Variants in TJP2 observed in about 807,000 individuals in gnomAD.
TJP2 encodes Friedreich ataxia region gene X104 (tight junction protein ZO-2).
A neutral mutation model predicts 133.1 loss-of-function variants in TJP2; 91 were observed. That is an observed-to-expected ratio of 0.68 (90% CI 0.58 to 0.81). TJP2 has a LOEUF of 0.81. Among genes scored for constraint, TJP2 ranks in the 40% least tolerant of loss-of-function variants. The pLI is 0.00. For synonymous variants in TJP2, 592 were observed against 583.4 expected, an observed-to-expected ratio of 1.01 and a Z score of -0.21; for missense variants, 1,541 against 1,565.6, an observed-to-expected ratio of 0.98 and a Z score of 0.26.
intron 1 of TJP2, among the ~76,000 whole-genome samples, chr9:69,138,983 G>T (rs540550327): frequency 1.3e-5 from 2 of 152,116 alleles, no homozygotes; most frequent in South Asian, 4.2e-4. Flanking sequence ...GGAGGCCAAG[G>T]CAGGCAGATC....
chr9:69,246,188 C>T (rs1044452997), intron 17 of TJP2: 5 of 200,214 alleles, frequency 2.5e-5, no homozygotes, highest in African/African-American at 9.3e-5. Context: ...ATCAGATACT[C>T]GGCATCTGTG....
intron 2 of TJP2, among the ~76,000 whole-genome samples, chr9:69,212,929 T>C (rs1828033966): frequency 2.2e-5 from 1 of 45,508 alleles, no homozygotes; most frequent in South Asian, 6.9e-4. Flanking sequence ...GGGAGCTTTT[T>C]ACAACTTCTG....
intron 1 of TJP2, among the ~76,000 whole-genome samples, chr9:69,175,310 TCA>T (rs1311119903): frequency 2.0e-5 from 3 of 152,198 alleles, no homozygotes; most frequent in Non-Finnish European, 2.9e-5. Context: ...CTTGCGCTTC[TCA>T]CTCACGCTCT....
Position 69,124,073 on chromosome 9 carries a change from G to A in TJP2, c.-131+2348G>A, listed in dbSNP as rs1317796150. Among the ~76,000 whole-genome samples, 3 of 74,264 alleles carry A rather than the reference G, an allele frequency of 4.0e-5. 1 individual carries two copies. The highest frequency in any genetic ancestry group is 1.2e-4 in the African/African-American group (3 of 24,118). 48.7% of individuals were successfully genotyped at this position (74,264 alleles called of 152,430 possible). On this transcript the variant is annotated intron_variant, in intron 1 of 5. Coordinates refer to the TJP2 transcript ENST00000423935. ...TTTTTCTTTTTTTTAGTAGAGACGGGGTTTCACCGTGTTAGCCAGGATGGT... is the reference window on the plus strand; with the variant it reads ...TTTTTCTTTTTTTTAGTAGAGACGGAGTTTCACCGTGTTAGCCAGGATGGT...
chr9:69,136,220 AAT>A (rs1359663474), intron 1 of TJP2, among the ~76,000 whole-genome samples: 3 of 152,156 alleles, frequency 2.0e-5, no homozygotes, highest in African/African-American at 7.2e-5. Context: ...CTGACAAAAA[AAT>A]ATGTTTTTTA....
chr9:69,161,551 G>A lies in TJP2; in HGVS notation c.-10+9780G>A, dbSNP rs186463823. ...CTGATCTGTGTTTTATCTACATTTT[G>A]GGGCAGAGTATATGTGGGGCCAGAA... On this transcript the variant is annotated intron_variant, in intron 2 of 5. Coordinates refer to the TJP2 transcript ENST00000423935. Among the ~76,000 whole-genome samples the A allele has an allele frequency of 1.9e-3, 296 of 152,058 alleles. 4 individuals carry two copies. Among genetic ancestry groups the A allele is most frequent in the Non-Finnish European group, 3.4e-4 (23 of 68,000 alleles).
In TJP2 at chr9:69,174,798, G is replaced by T. The variant is rs557804054; in HGVS notation, c.60+366G>T. 3.1e-4 allele frequency among the ~76,000 whole-genome samples: 47 copies of T among 152,124 alleles called. No individual in the cohort carries two copies. The South Asian group carries it at 8.7e-3, about 28-fold the overall frequency. ...CCTTCTCTATTTCAAACCACACTCG[G>T]TATTGATGCAAAGTTACAGGCTTGT... is the stretch of plus-strand genomic sequence containing the variant. On this transcript the variant is annotated intron_variant, in intron 1 of 22. Transcript: ENST00000377245.
intron 1 of TJP2, among the ~76,000 whole-genome samples, chr9:69,148,617 G>A (rs928242931): frequency 4.0e-5 from 6 of 150,734 alleles, no homozygotes; most frequent in East Asian, 2.0e-4. Flanking sequence ...TGATCCACCC[G>A]CCTCGGCCTC....
chr9:69,181,487 A>T (rs573783092), intron 1 of TJP2, among the ~76,000 whole-genome samples: 1 of 152,138 alleles, frequency 6.6e-6, no homozygotes, highest in East Asian at 1.9e-4. Flanking sequence ...TGAGCTCGTG[A>T]TCCGCCTGCC....
intron 21 of TJP2, 37 bp from the exon 22 acceptor site, chr9:69,252,778 C>A (rs774014773): frequency 3.7e-6 from 6 of 1,600,900 alleles, no homozygotes; most frequent in Non-Finnish European, 5.1e-6. Flanking sequence ...GTGGTTCATT[C>A]TTTCACTCTT....
At chr9:69,137,243 CTCTCT>C (rs1822782251) in intron 1 of TJP2, among the ~76,000 whole-genome samples, 2 of 44,020 alleles carry the variant, frequency 4.5e-5, no homozygotes, top group African/African-American at 1.4e-4. Flanking sequence ...CTTTCTTTCT[CTCTCT>C]CTTTCTTTCT....
At position 69,216,427 on chromosome 9, in the gene TJP2, A is replaced by T; in HGVS notation, c.203A>T (p.Asp68Val). The T allele has an allele frequency of 6.2e-7, 1 of 1,614,146 alleles. No homozygotes were observed. The highest frequency in any genetic ancestry group is 1.1e-5 in the South Asian group (1 of 91,082). Residue 68 changes from aspartate (D) to valine (V), a missense_variant, in exon 3 of 23, where the codon GAT becomes GTT. By Grantham distance (152) the Asp-to-Val change is radical. Transcript: ENST00000377245. ...GGAGAAACGTCAATTGTCATTTCTGATGTGCTCCCGGGTGGGCCTGCTGAT... is the reference window on the plus strand; with the variant it reads ...GGAGAAACGTCAATTGTCATTTCTGTTGTGCTCCCGGGTGGGCCTGCTGAT... ...ENGETSIVIS[D>V]VLPGGPADGL...
At position 69,236,164 on chromosome 9, in the gene TJP2, C is replaced by T. The variant is rs12340440; in HGVS notation, c.1917C>T (p.Asp639=). The part of the protein sequence containing the change: ...EVFRVVDTLY[D]GKLGNWLAVR... ...TCCGAGTGGTAGACACACTGTATGACGGCAAGCTGGGCAACTGGCTGGCTG... is the reference window on the plus strand; with the variant it reads ...TCCGAGTGGTAGACACACTGTATGATGGCAAGCTGGGCAACTGGCTGGCTG... The change falls in exon 13 of 23, where the codon GAC becomes GAT. Residue 639 remains aspartate (D), a synonymous_variant. Coordinates refer to ENST00000377245, the MANE Select transcript of TJP2 (RefSeq NM_004817.4). The T allele has an allele frequency of 2.3e-3, 3,668 of 1,614,090 alleles. 59 individuals are homozygous for T. In the African/African-American group the frequency reaches 0.042, roughly 19 times the overall value.
intron 4 of TJP2, among the ~76,000 whole-genome samples, 191 bp from the exon 5 acceptor site, chr9:69,220,696 A>G (rs1828751735): frequency 6.6e-6 from 1 of 152,222 alleles, no homozygotes. Context: ...CTGTACTCAG[A>G]GCTTCACGGT....
At chr9:69,131,489 T>C (rs1267505989) in intron 1 of TJP2, among the ~76,000 whole-genome samples, 3 of 152,198 alleles carry the variant, frequency 2.0e-5, no homozygotes, top group African/African-American at 4.8e-5. Context: ...TTTGATTGTA[T>C]ATTTCATTTT....
At chr9:69,154,337 G>T (rs1203615640) in intron 2 of TJP2, among the ~76,000 whole-genome samples, 1 of 152,170 alleles carries the variant, frequency 6.6e-6, no homozygotes, top group Non-Finnish European at 1.5e-5. Context: ...TGTCCGGCGT[G>T]GGTGGAGCAG....
chr9:69,177,716 C>T (rs578090959), intron 1 of TJP2, among the ~76,000 whole-genome samples: 1 of 151,878 alleles, frequency 6.6e-6, no homozygotes, highest in South Asian at 2.1e-4. Flanking sequence ...GCGGTCTTGG[C>T]TCACTGCAAC....
chr9:69,141,455 C>G (rs1823015065), intron 1 of TJP2, among the ~76,000 whole-genome samples: 1 of 151,112 alleles, frequency 6.6e-6, no homozygotes, highest in South Asian at 2.1e-4. Flanking sequence ...TCCAGCCAGC[C>G]TGTCTTTCAG....
intron 7 of TJP2, among the ~76,000 whole-genome samples, chr9:69,226,423 A>G (rs1035793969): frequency 6.6e-6 from 1 of 152,242 alleles, no homozygotes; most frequent in Non-Finnish European, 1.5e-5. Flanking sequence ...GGCAATTGAA[A>G]GCAAAACTTG....
Sources: allele counts gnomAD v4.1 joint callset (sites outside exome capture counted in the v4.1 genomes callset), GRCh38; gene constraint gnomAD v4.1.1; transcripts MANE v1.5; gene names NCBI Gene and HGNC (gene_info 2026-07-23, HGNC 2026-07-21).